Variants in NCAPD3 observed in about 807,000 individuals in gnomAD.
The protein encoded by NCAPD3 is non-SMC condensin II complex subunit D3, also known as condensin-2 complex subunit D3.
NCAPD3 carries 105 observed loss-of-function variants against 182.9 expected under a neutral mutation model. The observed-to-expected ratio is 0.57, with a 90% confidence interval of 0.49 to 0.68. The LOEUF (loss-of-function observed/expected upper bound fraction) is 0.68, where lower values mean the gene tolerates loss of function less well. Ranked by LOEUF, NCAPD3 falls within the 30% of genes least tolerant of loss-of-function variation. The probability of loss-of-function intolerance (pLI) is 0.00; values close to 1 mark genes in which losing one functional copy is unlikely to be tolerated. For synonymous variants in NCAPD3, 815 were observed against 679.9 expected (o/e 1.20, Z -3.09); for missense variants, 1,944 against 1,837.0 (o/e 1.06, Z -1.07).
intron 15 of NCAPD3, 22 bp downstream of exon 15, chr11:134,193,994 T>C: frequency 5.6e-6 from 9 of 1,599,600 alleles, no homozygotes; most frequent in Admixed American, 1.7e-5. Context: ...ATGCATTACA[T>C]ATATAATGTC....
At chr11:134,218,098 CAAA>C (rs1383290956) in intron 2 of NCAPD3, among the ~76,000 whole-genome samples, 1 of 45,954 alleles carries the variant, frequency 2.2e-5, no homozygotes, top group Non-Finnish European at 3.8e-5. Flanking sequence ...ACCCTGGTCT[CAAA>C]AAAAAAAAAG....
chr11:134,158,517 A>G, intron 29 of NCAPD3, 22 bp from the exon 30 acceptor site: 1 of 1,607,444 alleles, frequency 6.2e-7, no homozygotes. Flanking sequence ...GATAAAGAGT[A>G]TGTACATTCT....
chr11:134,216,790 A>T, intron 3 of NCAPD3, 146 bp downstream of exon 3: 1 of 695,184 alleles, frequency 1.4e-6, no homozygotes, highest in African/African-American at 1.8e-5. Context: ...TGTACTTTAG[A>T]GACTTGCTCC....
chr11:134,221,860 T>C (rs939895008), intron 1 of NCAPD3, among the ~76,000 whole-genome samples: 37 of 152,214 alleles, frequency 2.4e-4, no homozygotes, highest in Non-Finnish European at 5.1e-4. Flanking sequence ...AGGGGGTCTC[T>C]GTACCCTAAG....
chr11:134,167,510 T>G (rs1380190910), intron 27 of NCAPD3, among the ~76,000 whole-genome samples: 8 of 111,536 alleles, frequency 7.2e-5, no homozygotes, highest in South Asian at 3.1e-4. Flanking sequence ...ACTCGTGAGA[T>G]GAGCTCAGGG....
chr11:134,196,211 A>G (rs1482533419), intron 13 of NCAPD3, among the ~76,000 whole-genome samples: 1 of 152,246 alleles, frequency 6.6e-6, no homozygotes, highest in Non-Finnish European at 1.5e-5. Flanking sequence ...GAATACTATG[A>G]ACAATTTTAT....
At chr11:134,201,174 C>T (rs565157980) in intron 13 of NCAPD3, among the ~76,000 whole-genome samples, 202 of 152,154 alleles carry the variant, frequency 1.3e-3, no homozygotes, top group African/African-American at 4.7e-3. Context: ...CAGGTGTGTG[C>T]CACCACGCCC....
Position 134,152,237 on chromosome 11 carries a change from A to T in NCAPD3, c.*707T>A, listed in dbSNP as rs1450885762. 6.6e-6 allele frequency among the ~76,000 whole-genome samples: 1 copy of T among 152,242 alleles called. No homozygotes were observed. Among genetic ancestry groups the T allele is most frequent in the Non-Finnish European group, 1.5e-5 (1 of 68,036 alleles). On this transcript the variant is annotated 3_prime_UTR_variant, in exon 35 of 35. Transcript: ENST00000534548. ...GGCTGCAAAGCCATTTTTTCCCAAG[A>T]AGGGATGCTGTTCATGTCTGTTAGG...
intron 8 of NCAPD3, among the ~76,000 whole-genome samples, chr11:134,205,531 C>G (rs1329561914): frequency 2.0e-5 from 3 of 152,034 alleles, no homozygotes. Context: ...AGGTGCCCGC[C>G]ACCACGCCTA....
chr11:134,172,155 G>A (rs911108094), intron 24 of NCAPD3, among the ~76,000 whole-genome samples: 28 of 152,150 alleles, frequency 1.8e-4, no homozygotes, highest in African/African-American at 5.8e-4. Context: ...CCACCTCCCC[G>A]TGGTGCTCCC....
Position 134,178,914 on chromosome 11 carries a change from C to T in NCAPD3, c.2582G>A (p.Gly861Glu), listed in dbSNP as rs771081156. The T allele has an allele frequency of 2.5e-6, 4 of 1,613,710 alleles. No homozygotes were observed. Among genetic ancestry groups the T allele is most frequent in the Non-Finnish European group, 2.5e-6 (3 of 1,179,814 alleles). ...DLLVKYIFTL[G>E]DIAQLCPARV... Reference sequence around the variant, plus strand: ...GGCTGGACACAGCTGGGCTATATCCCCTAAGGTAAAAATGTACTTCACCTA... The same window carrying T: ...GGCTGGACACAGCTGGGCTATATCCTCTAAGGTAAAAATGTACTTCACCTA... The change falls in exon 21 of 35, where the codon GGG becomes GAG. Residue 861 changes from glycine to glutamate, a missense_variant. Gly to Glu is a moderately conservative substitution (Grantham distance 98). Coordinates refer to ENST00000534548, the MANE Select transcript of NCAPD3 (RefSeq NM_015261.3).
chr11:134,166,410 G>A (rs551517254), intron 27 of NCAPD3, among the ~76,000 whole-genome samples: 4 of 11,396 alleles, frequency 3.5e-4, no homozygotes, highest in Admixed American at 1.1e-3. Context: ...TCACTAGTGA[G>A]ATGAGCTTGG....
rs1943683634 is a variant in NCAPD3 at position 134,164,160 on chromosome 11, C to CCTCT, written c.3574-2270_3574-2269insAGAG. 2.0e-5 allele frequency among the ~76,000 whole-genome samples: 3 copies of CCTCT among 152,272 alleles called. No homozygotes were observed. In the South Asian group the frequency reaches 6.2e-4, roughly 32 times the overall value. On this transcript the variant is annotated intron_variant, in intron 27 of 34. Coordinates refer to ENST00000534548, the MANE Select transcript of NCAPD3 (RefSeq NM_015261.3). ...AGGCTAGGAGGAAAACACAGGCCTGCAGAGGCCTGTGGCAGCCAAGCTCTG... is the reference window on the plus strand; with the variant it reads ...AGGCTAGGAGGAAAACACAGGCCTGCCTCTAGAGGCCTGTGGCAGCCAAGCTCTG...
chr11:134,153,916 C>T (rs903849694), intron 32 of NCAPD3: 1 of 162,874 alleles, frequency 6.1e-6, no homozygotes, highest in Admixed American at 5.8e-5. Flanking sequence ...CGGCTCAGTC[C>T]ACCTCCCCCC....
rs1189725532 is a variant in NCAPD3, at chr11:134,204,711, T to A, written c.1089+188A>T. 6.6e-6 allele frequency among the ~76,000 whole-genome samples: 1 copy of A among 151,918 alleles called. No homozygotes were observed. The highest frequency in any genetic ancestry group is 2.4e-5 in the African/African-American group (1 of 41,426). On this transcript the variant is annotated intron_variant, in intron 9 of 34. Coordinates refer to ENST00000534548, the MANE Select transcript of NCAPD3 (RefSeq NM_015261.3). This position sits in a 1 kb window ranked among gnomAD's most constrained non-coding sequence, Gnocchi z 4.3. ...ACATTTTTCCAAAACAAAGTTTTTT[T>A]GTTTTTTTGTTTTTTATAGAACACT...
chr11:134,174,776 G>T (rs7126735), intron 24 of NCAPD3, among the ~76,000 whole-genome samples: 3,729 of 152,226 alleles, frequency 0.024, 159 homozygotes, highest in African/African-American at 0.085. Context: ...TGAGGTGATG[G>T]TTCTGCTAAT....
In NCAPD3 at chr11:134,210,270, C is replaced by CTCAATATCT. The variant is rs1241182377; in HGVS notation, c.558_566dup (p.Asp187_Glu189dup). On this transcript the variant is annotated inframe_insertion and splice_region_variant, in exon 4 of 35. Transcript: ENST00000534548. ...GTTTTATACTCAACTTACTTCTTAC[C>CTCAATATCT]TCAATATCTTCTCTCCTGGGTGGCT... 6 of 1,610,382 alleles carry CTCAATATCT rather than the reference C, an allele frequency of 3.7e-6. No individual in the cohort carries two copies. In the African/African-American group the frequency reaches 8.1e-5, roughly 22 times the overall value.
intron 3 of NCAPD3, among the ~76,000 whole-genome samples, 173 bp downstream of exon 3, chr11:134,216,763 A>C (rs1273882155): frequency 1.3e-5 from 2 of 152,208 alleles, no homozygotes; most frequent in African/African-American, 2.4e-5. Flanking sequence ...AGGTTTTCCA[A>C]GACCTATAAC....
rs757087344 is a variant in NCAPD3 at position 134,210,407 on chromosome 11, T to C, written c.430A>G (p.Ile144Val). 2 of 1,614,216 alleles carry C rather than the reference T, an allele frequency of 1.2e-6. No homozygotes were observed. Among genetic ancestry groups the C allele is most frequent in the East Asian group, 2.2e-5 (1 of 44,884 alleles). ...GGCCAGCTCTTCTTTAGAGTCTGAA[T>C]GCATTTGTCAAACATCACTGGGTGG... The part of the protein sequence containing the change: ...VFHPVMFDKC[I>V]QTLKKSWPQE... Residue 144 changes from isoleucine to valine, a missense_variant, in exon 4 of 35, where the codon ATT (isoleucine) becomes GTT (valine). Around this residue, in one of 3 missense-constraint regions of NCAPD3, gnomAD observed 1,803 missense variants for 1,674.6 expected, o/e 1.08. Coordinates refer to ENST00000534548, the MANE Select transcript of NCAPD3 (RefSeq NM_015261.3).
Sources: allele counts gnomAD v4.1 joint callset (sites outside exome capture counted in the v4.1 genomes callset), GRCh38; gene constraint gnomAD v4.1.1; regional missense constraint gnomAD v4.1.1; non-coding constraint Gnocchi (gnomAD v3.1); transcripts MANE v1.5; gene names NCBI Gene and HGNC (gene_info 2026-07-23, HGNC 2026-07-21).